RFX3: variants seen among roughly 807,000 people sequenced by gnomAD.
The protein encoded by RFX3 is regulatory factor X3.
A neutral mutation model predicts 98.6 loss-of-function variants in RFX3; 14 were observed. That is an observed-to-expected ratio of 0.14 (90% CI 0.09 to 0.22). The LOEUF (loss-of-function observed/expected upper bound fraction) is 0.22, where lower values mean the gene tolerates loss of function less well. Among genes scored for constraint, RFX3 ranks in the 10% least tolerant of loss-of-function variants. The pLI is 1.00. For missense variants in RFX3, 639 were observed against 926.9 expected (o/e 0.69, Z 4.03); for synonymous variants, 383 against 328.4 (o/e 1.17, Z -1.80).
At chr9:3,245,614 G>A (rs1041639232) in intron 15 of RFX3, among the ~76,000 whole-genome samples, 2 of 152,182 alleles carry the variant, frequency 1.3e-5, no homozygotes, top group African/African-American at 4.8e-5. Context: ...ATGCTCACGT[G>A]TCTGGTATAA....
chr9:3,253,697 T>A (rs768742266), intron 14 of RFX3, among the ~76,000 whole-genome samples: 3 of 152,164 alleles, frequency 2.0e-5, no homozygotes, highest in Non-Finnish European at 4.4e-5. Context: ...TATATTTCCA[T>A]GCATGTAAAT....
At chr9:3,340,395 T>G (rs1331356782) in intron 3 of RFX3, among the ~76,000 whole-genome samples, 1 of 152,034 alleles carries the variant, frequency 6.6e-6, no homozygotes, top group East Asian at 1.9e-4. Flanking sequence ...AAGCCAAAAT[T>G]GACAAATGGG....
At chr9:3,479,017 CTGGG>C (rs2133333764) in intron 1 of RFX3, among the ~76,000 whole-genome samples, 1 of 152,262 alleles carries the variant, frequency 6.6e-6, no homozygotes, top group Non-Finnish European at 1.5e-5. Flanking sequence ...TAACTGTGCT[CTGGG>C]GATAGTGCCT....
Position 3,224,778 on chromosome 9 carries a change from C to T in RFX3, c.*264G>A. ...ACTTTTTAATTATAAGAAAACAAAA[C>T]ATTGACATTAAGTGTTGTAAAAATC... On this transcript the variant is annotated 3_prime_UTR_variant, in exon 17 of 17. Coordinates refer to ENST00000617270, the MANE Select transcript of RFX3 (RefSeq NM_001282116.2). The T allele has an allele frequency of 3.3e-6, 1 of 306,830 alleles. No homozygotes were observed. Among genetic ancestry groups the T allele is most frequent in the East Asian group, 5.7e-5 (1 of 17,606 alleles). The allele number at this position is 306,830 out of a possible 1,614,324, so 19.0% of individuals were successfully genotyped here. A position where few individuals can be genotyped will look rare whatever the true frequency, so the allele number is the denominator to read the frequency against.
intron 4 of RFX3, among the ~76,000 whole-genome samples, chr9:3,316,575 G>A (rs909167394): frequency 2.0e-5 from 3 of 152,170 alleles, no homozygotes; most frequent in Non-Finnish European, 4.4e-5. Context: ...AGGAAAAGAG[G>A]AAGTCAAATT....
intron 3 of RFX3, among the ~76,000 whole-genome samples, chr9:3,331,216 A>G (rs2986678): frequency 0.18 from 26,921 of 152,136 alleles, 2,447 homozygotes; most frequent in Middle Eastern, 0.22. Flanking sequence ...ACTTGTGACC[A>G]CAGCTAAATA....
chr9:3,248,564 A>C (rs1820980866), intron 14 of RFX3, among the ~76,000 whole-genome samples: 2 of 152,222 alleles, frequency 1.3e-5, no homozygotes, highest in African/African-American at 4.8e-5. Context: ...CTATTGATGA[A>C]GGTTGGCAGT....
At chr9:3,327,676 A>G (rs1050687032) in intron 4 of RFX3, among the ~76,000 whole-genome samples, 22 of 152,118 alleles carry the variant, frequency 1.4e-4, no homozygotes, top group Admixed American at 6.5e-4. Flanking sequence ...TCAAATATGA[A>G]TATTTTTAGT....
chr9:3,488,026 A>G (rs762299040), intron 1 of RFX3, among the ~76,000 whole-genome samples: 3 of 152,180 alleles, frequency 2.0e-5, no homozygotes, highest in African/African-American at 4.8e-5. Flanking sequence ...GAGGCGTATT[A>G]TAATTACTGT....
chr9:3,483,616 A>G (rs1469182813), intron 1 of RFX3, among the ~76,000 whole-genome samples: 1 of 152,198 alleles, frequency 6.6e-6, no homozygotes, highest in Non-Finnish European at 1.5e-5. Context: ...TAAGATACTT[A>G]TAAAAGCACA....
In RFX3 at chr9:3,330,385, A is replaced by C. The variant is rs1832452271; in HGVS notation, c.348T>G (p.Gly116=). Reference sequence around the variant, plus strand: ...CTCCTGTGACGCCCATCTGAATCCCACCAGTGCCCACCATACTGTGGGATG... The same window carrying C: ...CTCCTGTGACGCCCATCTGAATCCCCCCAGTGCCCACCATACTGTGGGATG... ...VVSSHSMVGT[G]GIQMGVTGGQ... is the part of the protein sequence containing the mutation. Residue 116 remains glycine, a synonymous_variant, in exon 4 of 17, where the codon GGT becomes GGG. Coordinates refer to ENST00000617270, the MANE Select transcript of RFX3 (RefSeq NM_001282116.2). 1.3e-5 allele frequency: 21 copies of C among 1,613,978 alleles called. No homozygotes were observed. The highest frequency in any genetic ancestry group is 1.8e-5 in the Non-Finnish European group (21 of 1,180,034).
chr9:3,485,636 C>G (rs936958484), intron 1 of RFX3, among the ~76,000 whole-genome samples: 6 of 152,156 alleles, frequency 3.9e-5, no homozygotes, highest in Non-Finnish European at 4.4e-5. Context: ...TTAGTTCTGT[C>G]TATAATCCCA....
intron 1 of RFX3, among the ~76,000 whole-genome samples, chr9:3,508,952 C>CACAG (rs1817394288): frequency 6.6e-6 from 1 of 151,276 alleles, no homozygotes; most frequent in South Asian, 2.1e-4. Flanking sequence ...AATTGTAAAA[C>CACAG]ACAGACACAC....
chr9:3,399,913 C>A (rs1419888601), intron 1 of RFX3, among the ~76,000 whole-genome samples: 1 of 150,452 alleles, frequency 6.6e-6, no homozygotes, highest in African/African-American at 2.5e-5. Context: ...CATTCCACTG[C>A]ACTCCAGCCT....
At chr9:3,360,778 A>G (rs1291774918) in intron 2 of RFX3, among the ~76,000 whole-genome samples, 1 of 152,214 alleles carries the variant, frequency 6.6e-6, no homozygotes, top group Non-Finnish European at 1.5e-5. Context: ...AACAGAATCA[A>G]TTAGTATATT....
chr9:3,444,917 G>C (rs1170150122), intron 1 of RFX3, among the ~76,000 whole-genome samples: 2 of 152,192 alleles, frequency 1.3e-5, no homozygotes, highest in Non-Finnish European at 2.9e-5. Context: ...TGATCACTTT[G>C]TTAGGTGAGG....
intron 2 of RFX3, among the ~76,000 whole-genome samples, chr9:3,372,332 C>T (rs920562884): frequency 1.3e-5 from 2 of 152,160 alleles, no homozygotes; most frequent in African/African-American, 2.4e-5. Context: ...TTATCCACAG[C>T]TGTATCTTAT....
At position 3,220,132 on chromosome 9, in the gene RFX3, A is replaced by G. The variant is rs1817263335; in HGVS notation, c.*4910T>C. 6.6e-6 allele frequency: 1 copy of G among 152,142 alleles called. No individual in the cohort carries two copies. The highest frequency in any genetic ancestry group is 2.1e-4 in the South Asian group (1 of 4,830). 9.4% of individuals were successfully genotyped at this position (152,142 alleles called of 1,614,324 possible). On this transcript the variant is annotated 3_prime_UTR_variant, in exon 17 of 17. Coordinates refer to ENST00000617270, the MANE Select transcript of RFX3 (RefSeq NM_001282116.2). ...TCTATATATAATTTTTTGACAACGT[A>G]TTAAAGTTTTGGAGCATAGATAAAA...
intron 4 of RFX3, among the ~76,000 whole-genome samples, chr9:3,303,717 G>A (rs984363137): frequency 3.3e-5 from 5 of 151,738 alleles, no homozygotes; most frequent in African/African-American, 1.2e-4. Context: ...TAGATTTCCA[G>A]ATGATTCCCT....
Sources: allele counts gnomAD v4.1 joint callset (sites outside exome capture counted in the v4.1 genomes callset), GRCh38; gene constraint gnomAD v4.1.1; transcripts MANE v1.5; gene names NCBI Gene and HGNC (gene_info 2026-07-23, HGNC 2026-07-21).